Variants in HMGCLL1 observed in about 807,000 individuals in gnomAD.
HMGCLL1 encodes 3-hydroxy-3-methylglutaryl-CoA lyase like 1.
Under a neutral mutation model 39.1 loss-of-function variants are expected in HMGCLL1, and 36 were observed. The ratio of observed to expected loss-of-function variants is 0.92; its 90% CI spans 0.71 to 1.22. The LOEUF (loss-of-function observed/expected upper bound fraction) is 1.22. Ranked by LOEUF, HMGCLL1 falls within the 50% of genes most tolerant of loss-of-function variation. The pLI is 0.00. For synonymous variants in HMGCLL1, 149 were observed against 144.0 expected, an observed-to-expected ratio of 1.03 and a Z score of -0.25; for missense variants, 451 against 416.5, an observed-to-expected ratio of 1.08 and a Z score of -0.72.
the HMGCLL1 span, among the ~76,000 whole-genome samples, chr6:55,597,435 T>C: frequency 6.6e-6 from 1 of 151,390 alleles, no homozygotes; most frequent in African/African-American, 2.4e-5. Context: ...TAAGAATTAA[T>C]CCCAGATTTT....
chr6:55,533,199 G>A (rs564657569), intron 3 of HMGCLL1, among the ~76,000 whole-genome samples: 3 of 151,762 alleles, frequency 2.0e-5, no homozygotes, highest in African/African-American at 7.2e-5. Flanking sequence ...ATTATAGAGT[G>A]TCTAGGATAG....
chr6:55,576,211 A>G (rs1033015836), intron 1 of HMGCLL1, among the ~76,000 whole-genome samples: 3 of 152,200 alleles, frequency 2.0e-5, no homozygotes, highest in African/African-American at 7.2e-5. Context: ...TCTGGGAGAG[A>G]TTTCACGAGA....
the HMGCLL1 span, among the ~76,000 whole-genome samples, chr6:55,661,176 T>C: frequency 6.6e-6 from 1 of 152,044 alleles, no homozygotes; most frequent in Non-Finnish European, 1.5e-5. Flanking sequence ...GTCTATTCAC[T>C]CTGTTGGTAG....
chr6:55,517,008 T>C (rs1313130471), intron 3 of HMGCLL1, among the ~76,000 whole-genome samples: 1 of 152,114 alleles, frequency 6.6e-6, no homozygotes, highest in Non-Finnish European at 1.5e-5. Context: ...ATTTTCAGTG[T>C]ATGAAATTTT....
At chr6:55,492,499 G>T (rs1346446065) in intron 7 of HMGCLL1, among the ~76,000 whole-genome samples, 1 of 152,126 alleles carries the variant, frequency 6.6e-6, no homozygotes, top group African/African-American at 2.4e-5. Flanking sequence ...AAACATAAAA[G>T]TTTCAAAACA....
At chr6:55,563,328 T>C (rs965554352) in intron 1 of HMGCLL1, among the ~76,000 whole-genome samples, 3 of 152,130 alleles carry the variant, frequency 2.0e-5, no homozygotes, top group African/African-American at 7.2e-5. Context: ...ACATACACCC[T>C]ATAGACCAAA....
intron 1 of HMGCLL1, among the ~76,000 whole-genome samples, chr6:55,557,776 T>C (rs933785160): frequency 2.6e-5 from 4 of 152,246 alleles, no homozygotes; most frequent in African/African-American, 9.6e-5. Flanking sequence ...TTAAATGTTT[T>C]CCGTATACAA....
intron 3 of HMGCLL1, among the ~76,000 whole-genome samples, chr6:55,520,452 T>C (rs1767982015): frequency 6.6e-6 from 1 of 151,940 alleles, no homozygotes; most frequent in South Asian, 2.1e-4. Context: ...AATGAGGCCA[T>C]TCAAGAAATA....
Position 55,563,482 on chromosome 6 carries a change from CA to C in HMGCLL1, c.108+15465del, listed in dbSNP as rs1771061192. ...GATTATGCATAAATTTAATTTTTCA[CA>C]CTTATTTTTCACTCCTGGGAATTAG... On this transcript the variant is annotated intron_variant, in intron 1 of 8. Transcript: ENST00000274901. Among the ~76,000 whole-genome samples the C allele has an allele frequency of 2.6e-5, 4 of 152,158 alleles. No individual in the cohort carries two copies. The South Asian group carries it at 8.3e-4, about 32-fold the overall frequency.
At chr6:55,649,272 T>C in the HMGCLL1 span, among the ~76,000 whole-genome samples, 4 of 152,084 alleles carry the variant, frequency 2.6e-5, no homozygotes, top group Non-Finnish European at 4.4e-5. Flanking sequence ...ACAGATCTGG[T>C]GTTAATGAAT....
upstream of HMGCLL1, among the ~76,000 whole-genome samples, chr6:55,583,159 T>A (rs1367338237): frequency 6.6e-6 from 1 of 152,176 alleles, no homozygotes; most frequent in Non-Finnish European, 1.5e-5. Flanking sequence ...AATTTGCTTA[T>A]GTAAACTTAT....
chr6:55,569,560 T>A (rs1473629144), intron 1 of HMGCLL1, among the ~76,000 whole-genome samples: 2 of 152,120 alleles, frequency 1.3e-5, no homozygotes, highest in Non-Finnish European at 2.9e-5. Flanking sequence ...CATAGGCACA[T>A]TTTTTTAACC....
chr6:55,548,435 G>T (rs1770116395), intron 1 of HMGCLL1, among the ~76,000 whole-genome samples: 1 of 151,992 alleles, frequency 6.6e-6, no homozygotes, highest in African/African-American at 2.4e-5. Flanking sequence ...ATGAACACTT[G>T]AATCAATCAA....
At chr6:55,571,090 G>T (rs557688560) in intron 1 of HMGCLL1, among the ~76,000 whole-genome samples, 2 of 152,164 alleles carry the variant, frequency 1.3e-5, no homozygotes, top group Non-Finnish European at 2.9e-5. Flanking sequence ...GGAAATTATG[G>T]GAGCTACAAT....
chr6:55,436,122 G>C (rs1763363139), intron 8 of HMGCLL1, among the ~76,000 whole-genome samples: 1 of 151,666 alleles, frequency 6.6e-6, no homozygotes, highest in African/African-American at 2.4e-5. Context: ...TAATGTTTTG[G>C]AGCAGTTTAT....
chr6:55,513,189 G>A (rs1446254730), intron 5 of HMGCLL1: 1 of 152,096 alleles, frequency 6.6e-6, no homozygotes, highest in Non-Finnish European at 1.5e-5. Flanking sequence ...AGTGAACTCA[G>A]TGACAAAATC....
chr6:55,454,131 T>C (rs962944786), intron 7 of HMGCLL1, among the ~76,000 whole-genome samples: 2 of 152,250 alleles, frequency 1.3e-5, no homozygotes, highest in African/African-American at 4.8e-5. Flanking sequence ...GTAATGTTTA[T>C]ATTTATAGTT....
intron 7 of HMGCLL1, among the ~76,000 whole-genome samples, chr6:55,452,140 A>G (rs1764125031): frequency 6.6e-6 from 1 of 152,190 alleles, no homozygotes; most frequent in South Asian, 2.1e-4. Context: ...TGAGGACACA[A>G]AAATAAAGGA....
At chr6:55,674,601 T>C in the HMGCLL1 span, among the ~76,000 whole-genome samples, 1 of 152,056 alleles carries the variant, frequency 6.6e-6, no homozygotes, top group East Asian at 1.9e-4. Flanking sequence ...TAGATAACCA[T>C]ACTTTTGCTG....
Sources: allele counts gnomAD v4.1 joint callset (sites outside exome capture counted in the v4.1 genomes callset), GRCh38; gene constraint gnomAD v4.1.1; transcripts MANE v1.5; gene names NCBI Gene and HGNC (gene_info 2026-07-23, HGNC 2026-07-21).